The following STXBP6 variants were observed in gnomAD, a reference collection of about 807,000 sequenced individuals.
STXBP6 encodes the protein syntaxin-binding protein 6.
Under a neutral mutation model 26.9 loss-of-function variants are expected in STXBP6, and 21 were observed. The ratio of observed to expected loss-of-function variants is 0.78; its 90% confidence interval spans 0.55 to 1.12. The LOEUF is 1.12. Ranked by LOEUF, STXBP6 falls within the 50% of genes most tolerant of loss-of-function variation. The probability of loss-of-function intolerance (pLI) is 0.00; values close to 1 mark genes in which losing one functional copy is unlikely to be tolerated. For synonymous variants in STXBP6, 97 were observed against 92.6 expected (o/e 1.05, Z -0.27); for missense variants, 232 against 257.9 (o/e 0.90, Z 0.69).
chr14:24,901,247 T>A (rs1408187596), intron 2 of STXBP6, among the ~76,000 whole-genome samples: 2 of 152,082 alleles, frequency 1.3e-5, no homozygotes, highest in Non-Finnish European at 2.9e-5. Flanking sequence ...TGAAATGTCC[T>A]CAAATCTAGT....
intron 2 of STXBP6, among the ~76,000 whole-genome samples, chr14:24,877,884 A>G (rs1056555079): frequency 6.6e-5 from 10 of 152,200 alleles, no homozygotes; most frequent in Non-Finnish European, 1.3e-4. Context: ...CCAGAAATCT[A>G]TATCTATTTC....
chr14:24,838,281 G>C (rs1052604331), intron 4 of STXBP6, among the ~76,000 whole-genome samples: 6 of 152,206 alleles, frequency 3.9e-5, no homozygotes, highest in African/African-American at 1.4e-4. Flanking sequence ...AAAATGCTGG[G>C]ATTATTGGTG....
intron 1 of STXBP6, among the ~76,000 whole-genome samples, chr14:25,021,011 T>C (rs2140424406): frequency 6.6e-6 from 1 of 152,186 alleles, no homozygotes; most frequent in South Asian, 2.1e-4. Context: ...ACATTTCTCT[T>C]ACCAAATCAT....
chr14:24,890,314 G>A (rs564667625), intron 2 of STXBP6, among the ~76,000 whole-genome samples: 4 of 152,196 alleles, frequency 2.6e-5, no homozygotes, highest in African/African-American at 4.8e-5. Flanking sequence ...AGCCCCTGCA[G>A]TACACAAAGG....
intron 3 of STXBP6, 53 bp from the exon 4 acceptor site, chr14:24,856,154 T>C: frequency 1.3e-6 from 2 of 1,493,030 alleles, no homozygotes; most frequent in South Asian, 2.8e-5. Flanking sequence ...AACTGCTGTT[T>C]CTAGATTACT....
intron 1 of STXBP6, among the ~76,000 whole-genome samples, chr14:24,975,374 C>G (rs189910599): frequency 3.3e-5 from 5 of 152,170 alleles, no homozygotes. Context: ...AACAGAAGAC[C>G]ATTAAATTAA....
At chr14:24,824,409 AT>A (rs1314795061) in intron 4 of STXBP6, among the ~76,000 whole-genome samples, 1 of 152,186 alleles carries the variant, frequency 6.6e-6, no homozygotes, top group Admixed American at 6.5e-5. Context: ...ATGAATAATA[AT>A]TTAAGTAATC....
intron 2 of STXBP6, among the ~76,000 whole-genome samples, chr14:24,953,924 G>A (rs1207076343): frequency 6.6e-6 from 1 of 152,166 alleles, no homozygotes; most frequent in Non-Finnish European, 1.5e-5. Flanking sequence ...GCTGTTCTTG[G>A]GTGGGGTAAA....
At chr14:24,985,083 C>T (rs765852878) in intron 1 of STXBP6, among the ~76,000 whole-genome samples, 24 of 152,190 alleles carry the variant, frequency 1.6e-4, no homozygotes, top group Non-Finnish European at 2.4e-4. Flanking sequence ...GATAACAAAT[C>T]GAGCTGTAGT....
At chr14:24,834,237 C>T (rs917973615) in intron 4 of STXBP6, among the ~76,000 whole-genome samples, 4 of 152,180 alleles carry the variant, frequency 2.6e-5, no homozygotes, top group African/African-American at 7.2e-5. Context: ...TCAAGCAATC[C>T]TGCCATCTCA....
At chr14:24,956,188 A>G (rs561579961) in intron 2 of STXBP6, among the ~76,000 whole-genome samples, 1 of 152,160 alleles carries the variant, frequency 6.6e-6, no homozygotes, top group African/African-American at 2.4e-5. Flanking sequence ...GGGAGAAAAA[A>G]AAAATCACTG....
intron 2 of STXBP6, among the ~76,000 whole-genome samples, chr14:24,942,585 C>G (rs1012438051): frequency 6.6e-6 from 1 of 152,194 alleles, no homozygotes; most frequent in Non-Finnish European, 1.5e-5. Flanking sequence ...GATAATCAAA[C>G]AGCTGGTTAT....
intron 2 of STXBP6, among the ~76,000 whole-genome samples, chr14:24,872,942 C>G (rs2069992085): frequency 6.6e-6 from 1 of 152,172 alleles, no homozygotes; most frequent in Non-Finnish European, 1.5e-5. Flanking sequence ...TGTGCCGAAT[C>G]TGATTCAGAA....
intron 2 of STXBP6, among the ~76,000 whole-genome samples, chr14:24,912,951 C>T (rs1174854545): frequency 6.6e-6 from 1 of 152,144 alleles, no homozygotes; most frequent in African/African-American, 2.4e-5. Flanking sequence ...CAGAAGCCAG[C>T]ACTAGGTTAA....
At chr14:25,036,989 T>A (rs1270093880) in intron 1 of STXBP6, among the ~76,000 whole-genome samples, 7 of 152,250 alleles carry the variant, frequency 4.6e-5, no homozygotes, top group Non-Finnish European at 5.9e-5. Flanking sequence ...AGTGACATTA[T>A]TCATCAGCAT....
intron 4 of STXBP6, among the ~76,000 whole-genome samples, chr14:24,823,466 C>T (rs2138802396): frequency 6.6e-6 from 1 of 152,190 alleles, no homozygotes; most frequent in East Asian, 1.9e-4. Context: ...AATTAAAATC[C>T]TTAATTCTAT....
intron 2 of STXBP6, among the ~76,000 whole-genome samples, chr14:24,876,575 C>T (rs2070151866): frequency 6.6e-6 from 1 of 152,152 alleles, no homozygotes; most frequent in Non-Finnish European, 1.5e-5. Context: ...GACATAGAAG[C>T]AGCAATGATG....
chr14:24,953,535 G>C (rs1274954720), intron 2 of STXBP6, among the ~76,000 whole-genome samples: 2 of 152,050 alleles, frequency 1.3e-5, no homozygotes, highest in Admixed American at 6.6e-5. Context: ...CACGCTTTCC[G>C]CATGTCCCCA....
chr14:24,977,898 G>T (rs1399470041), intron 1 of STXBP6, among the ~76,000 whole-genome samples: 1 of 152,168 alleles, frequency 6.6e-6, no homozygotes, highest in Non-Finnish European at 1.5e-5. Context: ...TTTGTACTAA[G>T]TATCACAAGG....
Sources: gnomAD v4.1 joint callset for allele counts (sites outside exome capture counted in the v4.1 genomes callset) on GRCh38, gnomAD v4.1.1 for gene constraint, MANE v1.5 for transcripts, NCBI Gene and HGNC (gene_info 2026-07-23, HGNC 2026-07-21) for gene names.